Variants in COG5 observed in about 807,000 individuals in gnomAD.
The protein encoded by COG5 is conserved oligomeric Golgi complex subunit 5.
In COG5, 86 loss-of-function variants were observed where a neutral mutation model predicts 110.4. That is an observed-to-expected ratio of 0.78 (90% CI 0.65 to 0.93). COG5 has a LOEUF of 0.93. COG5 is among the 40% of genes least tolerant of loss of function. The probability of loss-of-function intolerance (pLI) is 0.00; values close to 1 mark genes in which losing one functional copy is unlikely to be tolerated. For missense variants in COG5, 1,077 were observed against 987.0 expected, an observed-to-expected ratio of 1.09 and a Z score of -1.22; for synonymous variants, 360 against 334.6, an observed-to-expected ratio of 1.08 and a Z score of -0.83.
chr7:107,471,566 T>C (rs537078162), intron 6 of COG5: 42 of 152,062 alleles, frequency 2.8e-4, no homozygotes, highest in African/African-American at 9.9e-4. Flanking sequence ...CCTAAGAAGA[T>C]GCTACATAAA....
At chr7:107,511,283 TAG>T (rs1799488651) in intron 6 of COG5, among the ~76,000 whole-genome samples, 1 of 152,266 alleles carries the variant, frequency 6.6e-6, no homozygotes, top group South Asian at 2.1e-4. Flanking sequence ...GCAAATAAAC[TAG>T]ACAATCTAGA....
In COG5 at chr7:107,399,229, G is replaced by A. The variant is rs1003928077; in HGVS notation, c.669+13273C>T. Among the ~76,000 whole-genome samples the A allele has an allele frequency of 2.6e-4, 40 of 151,658 alleles. 1 individual carries two copies. Among genetic ancestry groups the A allele is most frequent in the Admixed American group, 9.8e-4 (15 of 15,232 alleles). ...AAAAAAAGTTAAAATAAATAAATAAGTTTACTAAAACTCATCAAACTATAC... is the reference window on the plus strand; with the variant it reads ...AAAAAAAGTTAAAATAAATAAATAAATTTACTAAAACTCATCAAACTATAC... On this transcript the variant is annotated intron_variant, in intron 7 of 21. Transcript: ENST00000297135.
At chr7:107,267,881 T>C (rs1803928588) in intron 14 of COG5, among the ~76,000 whole-genome samples, 3 of 152,134 alleles carry the variant, frequency 2.0e-5, no homozygotes, top group African/African-American at 7.2e-5. Flanking sequence ...CATAGTGAGA[T>C]CCCCACCTCT....
intron 6 of COG5, among the ~76,000 whole-genome samples, chr7:107,440,123 A>G (rs1794618864): frequency 6.6e-6 from 1 of 152,214 alleles, no homozygotes; most frequent in Non-Finnish European, 1.5e-5. Flanking sequence ...CCACATCAGT[A>G]AAGGGTACTG....
At chr7:107,352,567 A>C (rs1295091741) in intron 10 of COG5, among the ~76,000 whole-genome samples, 2 of 152,022 alleles carry the variant, frequency 1.3e-5, no homozygotes, top group Non-Finnish European at 2.9e-5. Flanking sequence ...TATTTTAATC[A>C]AATTGAGATT....
chr7:107,332,468 T>A (rs186309489), intron 10 of COG5, among the ~76,000 whole-genome samples: 60 of 152,270 alleles, frequency 3.9e-4, no homozygotes, highest in African/African-American at 1.4e-3. Flanking sequence ...TGGTATATGT[T>A]TGAAATTTTA....
chr7:107,362,237 A>G, intron 9 of COG5, 71 bp downstream of exon 9: 1 of 1,415,572 alleles, frequency 7.1e-7, no homozygotes. Context: ...AAACCTGCCC[A>G]AGGTCACACA....
chr7:107,546,460 A>G (rs577581863), intron 5 of COG5, among the ~76,000 whole-genome samples: 3 of 113,742 alleles, frequency 2.6e-5, no homozygotes, highest in Non-Finnish European at 4.3e-5. Flanking sequence ...TTTTGAGACA[A>G]GGTCTCGCTC....
chr7:107,265,910 C>G (rs1803759937), intron 14 of COG5, among the ~76,000 whole-genome samples: 2 of 152,044 alleles, frequency 1.3e-5, no homozygotes, highest in South Asian at 2.1e-4. Context: ...AAAAAATTAG[C>G]TGGGCATAGT....
At chr7:107,444,863 C>T (rs988637236) in intron 6 of COG5, among the ~76,000 whole-genome samples, 3 of 152,082 alleles carry the variant, frequency 2.0e-5, no homozygotes, top group Non-Finnish European at 4.4e-5. Flanking sequence ...GACACACATA[C>T]CCTCATAATT....
intron 7 of COG5, among the ~76,000 whole-genome samples, chr7:107,382,555 A>G (rs1243745629): frequency 6.6e-6 from 1 of 152,128 alleles, no homozygotes; most frequent in Non-Finnish European, 1.5e-5. Context: ...CCTCTGCCTC[A>G]GCCTTCCCAG....
At chr7:107,384,705 C>G (rs1815423438) in intron 7 of COG5, among the ~76,000 whole-genome samples, 1 of 152,128 alleles carries the variant, frequency 6.6e-6, no homozygotes, top group Admixed American at 6.5e-5. Context: ...AGAAGAGATA[C>G]CAGAAAGCTT....
chr7:107,536,233 C>T (rs893694496), intron 5 of COG5, among the ~76,000 whole-genome samples: 13 of 152,280 alleles, frequency 8.5e-5, no homozygotes, highest in African/African-American at 3.1e-4. Context: ...CCCTTCTCAC[C>T]ACTCCTATTC....
chr7:107,390,402 G>C (rs1790534827), intron 7 of COG5, among the ~76,000 whole-genome samples: 1 of 152,092 alleles, frequency 6.6e-6, no homozygotes, highest in Non-Finnish European at 1.5e-5. Flanking sequence ...GGCTGCTTTG[G>C]AATATGTGGG....
chr7:107,263,708 A>G (rs1350005186), intron 14 of COG5, among the ~76,000 whole-genome samples: 1 of 152,224 alleles, frequency 6.6e-6, no homozygotes, highest in Non-Finnish European at 1.5e-5. Context: ...TCTGAACAAA[A>G]TATTCTTCAG....
chr7:107,223,038 C>T (rs1228191335), intron 19 of COG5, among the ~76,000 whole-genome samples: 1 of 152,168 alleles, frequency 6.6e-6, no homozygotes, highest in Non-Finnish European at 1.5e-5. Context: ...CATCTAACAT[C>T]AGTGGTATCC....
chr7:107,530,061 A>G (rs976753401), intron 5 of COG5, among the ~76,000 whole-genome samples: 1 of 152,198 alleles, frequency 6.6e-6, no homozygotes, highest in Non-Finnish European at 1.5e-5. Flanking sequence ...CCTACCCAAC[A>G]AAGGGTATGC....
chr7:107,474,610 C>T lies in COG5; in HGVS notation c.538+52627G>A, dbSNP rs763596341. On this transcript the variant is annotated intron_variant, in intron 6 of 21. Transcript: ENST00000297135. The surrounding 1 kb of genome is among the most constrained non-coding windows in gnomAD (Gnocchi z 5.7). ...TTTTATTGAGGTAAATTTTTTCAGT[C>T]TTCAAAGTGGAAATACCTGGGAAAA... 1.1e-5 allele frequency: 18 copies of T among 1,610,470 alleles called. No individual in the cohort carries two copies. The highest frequency in any genetic ancestry group is 1.5e-5 in the Non-Finnish European group (18 of 1,178,356).
chr7:107,294,552 G>T lies in COG5; in HGVS notation c.1313+3590C>A, dbSNP rs1445609619. Reference sequence around the variant, plus strand: ...AATCAATGGTTTCTCACTTTATTAAGATAAACTCCAAGCCCTTTACCATTG... The same window carrying T: ...AATCAATGGTTTCTCACTTTATTAATATAAACTCCAAGCCCTTTACCATTG... On this transcript the variant is annotated intron_variant, in intron 12 of 21. Transcript: ENST00000297135. Among the ~76,000 whole-genome samples the T allele has an allele frequency of 2.0e-5, 3 of 151,902 alleles. No homozygotes were observed. In the East Asian group the frequency reaches 5.8e-4, roughly 29 times the overall value.
Sources: allele counts gnomAD v4.1 joint callset (sites outside exome capture counted in the v4.1 genomes callset), GRCh38; gene constraint gnomAD v4.1.1; non-coding constraint Gnocchi (gnomAD v3.1); transcripts MANE v1.5; gene names NCBI Gene and HGNC (gene_info 2026-07-23, HGNC 2026-07-21).